Variants in ADAMTS12 observed in about 807,000 individuals in gnomAD.
The protein encoded by ADAMTS12 is ADAM metallopeptidase with thrombospondin type 1 motif 12.
ADAMTS12 carries 118 observed loss-of-function variants against 167.8 expected under a neutral mutation model. The observed-to-expected ratio is 0.70, with a 90% CI of 0.61 to 0.82. ADAMTS12 has a LOEUF of 0.82. Among genes scored for constraint, ADAMTS12 ranks in the 40% least tolerant of loss-of-function variants. The probability of loss-of-function intolerance (pLI) is 0.00; values close to 1 mark genes in which losing one functional copy is unlikely to be tolerated. For missense variants in ADAMTS12, 1,916 were observed against 1,998.8 expected (o/e 0.96, Z 0.79); for synonymous variants, 704 against 716.9 (o/e 0.98, Z 0.29).
At chr5:33,582,681 C>T (rs139499843) in intron 18 of ADAMTS12, among the ~76,000 whole-genome samples, 33 of 152,212 alleles carry the variant, frequency 2.2e-4, no homozygotes, top group Middle Eastern at 3.4e-3. Context: ...TTTTGTCAGG[C>T]GCAGGAAGGG....
At chr5:33,811,264 C>T (rs186246064) in intron 2 of ADAMTS12, among the ~76,000 whole-genome samples, 1 of 152,286 alleles carries the variant, frequency 6.6e-6, no homozygotes, top group African/African-American at 2.4e-5. Flanking sequence ...CAAAATCCCC[C>T]AGGGAGTCTG....
In ADAMTS12 at chr5:33,886,085, T is replaced by C. The variant is rs1418868305; in HGVS notation, c.128-4605A>G. 3.3e-5 allele frequency among the ~76,000 whole-genome samples: 5 copies of C among 152,210 alleles called. No homozygotes were observed. In the East Asian group the frequency reaches 7.7e-4, roughly 23 times the overall value. ...ATTTTCTGACTTAAAATATCCCTTA[T>C]AGAAACTGCCTCTGAAGATACATCT... On this transcript the variant is annotated intron_variant, in intron 1 of 23. Transcript: ENST00000504830.
intron 3 of ADAMTS12, among the ~76,000 whole-genome samples, chr5:33,749,858 A>G (rs954537847): frequency 4.6e-5 from 7 of 152,166 alleles, no homozygotes; most frequent in African/African-American, 1.7e-4. Flanking sequence ...CTCTGCCTCA[A>G]TAGGGGAGTT....
chr5:33,600,827 TTG>T (rs774791417), intron 16 of ADAMTS12, among the ~76,000 whole-genome samples: 24 of 152,190 alleles, frequency 1.6e-4, no homozygotes, highest in Non-Finnish European at 3.2e-4. Context: ...AATAAAGAGC[TTG>T]TCACTTACAA....
At position 33,624,142 on chromosome 5, in the gene ADAMTS12, A is replaced by G. The variant is rs1185403190; in HGVS notation, c.2143+89T>C. 2.6e-6 allele frequency: 4 copies of G among 1,566,784 alleles called. No individual in the cohort carries two copies. The African/African-American group carries it at 5.4e-5, about 21-fold the overall frequency. ...TGAAAATCACAGACTGTTTAAAGAA[A>G]TAAAAACAAAAACTAGGAACCAATC... On this transcript the variant is annotated intron_variant, in intron 14 of 23. Coordinates refer to ENST00000504830, the MANE Select transcript of ADAMTS12 (RefSeq NM_030955.4).
rs750414785 is a variant in ADAMTS12, at chr5:33,560,273, T to C, written c.4125+754A>G. Among the ~76,000 whole-genome samples the C allele has an allele frequency of 4.5e-4, 69 of 152,126 alleles. 1 individual carries two copies. The highest frequency in any genetic ancestry group is 9.7e-4 in the Non-Finnish European group (66 of 68,020). On this transcript the variant is annotated intron_variant, in intron 20 of 23. Transcript: ENST00000504830. ...CCCATGATTTGCTCATCCCTGATTT[T>C]ATAAGAGGTAAAAGGGCAGCAGAAA...
rs115546727 is a variant in ADAMTS12 at position 33,744,111 on chromosome 5, C to T, written c.634+7293G>A. 2.3e-3 allele frequency among the ~76,000 whole-genome samples: 344 copies of T among 152,294 alleles called. 6 individuals carry two copies. The highest frequency in any genetic ancestry group is 8.0e-3 in the African/African-American group (333 of 41,564). On this transcript the variant is annotated intron_variant, in intron 3 of 23. Transcript: ENST00000504830. Reference sequence around the variant, plus strand: ...GCCGTGGCCAGGAACTCTGACAGATCTTGGGAACACCCCTGGGCATAAGCA... The same window carrying T: ...GCCGTGGCCAGGAACTCTGACAGATTTTGGGAACACCCCTGGGCATAAGCA...
intron 5 of ADAMTS12, among the ~76,000 whole-genome samples, chr5:33,669,668 A>G (rs1360795355): frequency 6.6e-6 from 1 of 152,134 alleles, no homozygotes; most frequent in Non-Finnish European, 1.5e-5. Flanking sequence ...AAAAAAGGCA[A>G]AAGTCTTAGA....
intron 2 of ADAMTS12, among the ~76,000 whole-genome samples, chr5:33,864,654 A>C (rs1246279659): frequency 2.0e-5 from 3 of 152,248 alleles, no homozygotes; most frequent in Non-Finnish European, 4.4e-5. Flanking sequence ...AATACAATGC[A>C]GCCATAAAAA....
intron 18 of ADAMTS12, among the ~76,000 whole-genome samples, chr5:33,582,978 G>A (rs1747146997): frequency 6.6e-6 from 1 of 152,068 alleles, no homozygotes. Context: ...TTTATCCTTC[G>A]AGTTACAAAC....
chr5:33,828,827 T>C (rs978707755), intron 2 of ADAMTS12, among the ~76,000 whole-genome samples: 1 of 152,190 alleles, frequency 6.6e-6, no homozygotes, highest in Non-Finnish European at 1.5e-5. Flanking sequence ...CAGGATCTTG[T>C]TGGTGGAGAA....
intron 2 of ADAMTS12, among the ~76,000 whole-genome samples, chr5:33,825,279 C>T (rs1208324475): frequency 6.6e-6 from 1 of 152,172 alleles, no homozygotes; most frequent in Non-Finnish European, 1.5e-5. Context: ...AAGTCATCTA[C>T]TGAAATTCCA....
At chr5:33,635,158 TAA>T (rs1740131184) in intron 12 of ADAMTS12, among the ~76,000 whole-genome samples, 1 of 152,192 alleles carries the variant, frequency 6.6e-6, no homozygotes, top group South Asian at 2.1e-4. Flanking sequence ...TTAAGCAATG[TAA>T]TAATTAGTCA....
At chr5:33,571,563 C>A (rs140510395) in intron 19 of ADAMTS12, among the ~76,000 whole-genome samples, 101,352 of 151,148 alleles carry the variant, frequency 0.67, 35,002 homozygotes, top group African/African-American at 0.84. Flanking sequence ...ACAAAGACAC[C>A]ACATACCAGA....
intron 19 of ADAMTS12, among the ~76,000 whole-genome samples, chr5:33,565,821 A>G (rs1038708078): frequency 2.6e-5 from 4 of 152,244 alleles, no homozygotes; most frequent in African/African-American, 9.6e-5. Context: ...TTTGAGCTCA[A>G]ACAGTAATCA....
At chr5:33,614,509 A>G (rs1418718178) in intron 15 of ADAMTS12, 133 bp from the exon 16 acceptor site, 2 of 1,053,422 alleles carry the variant, frequency 1.9e-6, no homozygotes, top group Non-Finnish European at 2.8e-6. Flanking sequence ...GCCATTAAAT[A>G]GATCTATACC....
chr5:33,597,356 T>C (rs1737945836), intron 16 of ADAMTS12, among the ~76,000 whole-genome samples: 2 of 152,248 alleles, frequency 1.3e-5, no homozygotes, highest in African/African-American at 4.8e-5. Flanking sequence ...GAACAGTCTG[T>C]ACAAAGGCTG....
At chr5:33,613,386 C>T (rs1392051263) in intron 16 of ADAMTS12, among the ~76,000 whole-genome samples, 1 of 152,178 alleles carries the variant, frequency 6.6e-6, no homozygotes, top group Non-Finnish European at 1.5e-5. Context: ...GCAGAGATTC[C>T]ATGCTCCTCA....
intron 2 of ADAMTS12, among the ~76,000 whole-genome samples, chr5:33,868,383 C>T (rs1188158164): frequency 6.6e-6 from 1 of 152,122 alleles, no homozygotes; most frequent in Non-Finnish European, 1.5e-5. Flanking sequence ...AAAATGCTGA[C>T]AGTGATATGG....
Sources: gnomAD v4.1 joint callset for allele counts (sites outside exome capture counted in the v4.1 genomes callset) on GRCh38, gnomAD v4.1.1 for gene constraint, MANE v1.5 for transcripts, NCBI Gene and HGNC (gene_info 2026-07-23, HGNC 2026-07-21) for gene names.